Variants in KANTR observed in about 807,000 individuals in gnomAD.
KANTR encodes KANTR integral membrane protein.
chrX:53,114,038 A>G (rs924625052), intron 2 of KANTR, among the ~76,000 whole-genome samples: 24 of 110,501 alleles, frequency 2.2e-4, no homozygotes, highest in African/African-American at 7.9e-4. Context: ...AACTGGGACC[A>G]CAGACATGTG....
At chrX:53,095,344 G>A (rs1184556033) in intron 1 of KANTR, among the ~76,000 whole-genome samples, 2 of 111,198 alleles carry the variant, frequency 1.8e-5, no homozygotes, top group Non-Finnish European at 3.8e-5. Flanking sequence ...CTCACCTTCA[G>A]TTATCAGCAA....
intron 2 of KANTR, among the ~76,000 whole-genome samples, chrX:53,135,769 C>A (rs1358730478): frequency 4.5e-5 from 5 of 111,712 alleles, no homozygotes; most frequent in Non-Finnish European, 9.4e-5. Context: ...TGCAGAAGTC[C>A]CAGCCAACTT....
In KANTR at chrX:53,107,788, G is replaced by C. The variant is rs1327988952; in HGVS notation, c.-805+8180G>C. Among the ~76,000 whole-genome samples the C allele has an allele frequency of 6.4e-5, 7 of 110,082 alleles. No homozygotes were observed. The Admixed American group carries it at 6.8e-4, about 11-fold the overall frequency. The stretch of plus-strand genomic sequence containing the variant: ...GTTTGTTTTCTAGAGACAAGGTCTT[G>C]CTCTGTTGCTCAAACTAGAGTGCAA... On this transcript the variant is annotated intron_variant, in intron 2 of 2. Transcript: ENST00000604062.
downstream of KANTR, among the ~76,000 whole-genome samples, chrX:53,146,931 AC>A (rs1395001107): frequency 8.9e-5 from 10 of 111,918 alleles, no homozygotes; most frequent in Non-Finnish European, 1.9e-4. Flanking sequence ...AGATTTTGTC[AC>A]CACCAAGCCT....
At chrX:53,097,784 C>T (rs1452510301) in intron 1 of KANTR, among the ~76,000 whole-genome samples, 1 of 108,343 alleles carries the variant, frequency 9.2e-6, no homozygotes, top group Non-Finnish European at 1.9e-5. Flanking sequence ...GGCGCAGTGG[C>T]TCACGCCTGT....
At chrX:53,133,599 T>A (rs1272601100) in intron 2 of KANTR, among the ~76,000 whole-genome samples, 1 of 111,433 alleles carries the variant, frequency 9.0e-6, no homozygotes, top group Admixed American at 9.5e-5. Flanking sequence ...CTGCACACCC[T>A]CTCACCAGCA....
chrX:53,144,759 G>C (rs1486637926), downstream of KANTR, among the ~76,000 whole-genome samples: 1 of 111,810 alleles, frequency 8.9e-6, no homozygotes, highest in Non-Finnish European at 1.9e-5. Context: ...CTACACCTGG[G>C]TGTTTTTTAA....
intron 2 of KANTR, among the ~76,000 whole-genome samples, chrX:53,137,444 C>G (rs781998316): frequency 2.7e-5 from 3 of 112,061 alleles, no homozygotes; most frequent in African/African-American, 9.7e-5. Flanking sequence ...TTTTTCTGGT[C>G]AGGCTCAGTG....
chrX:53,143,933 G>A (rs1556818892), downstream of KANTR: 1 of 334,684 alleles, frequency 3.0e-6, no homozygotes, highest in Non-Finnish European at 5.6e-6. Context: ...TGGAAGAGCA[G>A]GGCGGTGGAG....
At chrX:53,145,775 C>T (rs782237241), downstream of KANTR, among the ~76,000 whole-genome samples, 8 of 112,050 alleles carry the variant, frequency 7.1e-5, no homozygotes, top group South Asian at 7.5e-4. Context: ...ACACCTCACA[C>T]GGCCGGGTAC....
At chrX:53,141,900 TG>T in exon 3 of KANTR, 1 of 507,684 alleles carries the variant, frequency 2.0e-6, no homozygotes, top group Non-Finnish European at 2.6e-6. Flanking sequence ...CACGGTGTTC[TG>T]GCAGGAAAAC....
Position 53,142,375 on chromosome X carries a change from G to A in KANTR, n.731G>A, listed in dbSNP as rs782500282. The A allele has an allele frequency of 2.9e-5, 4 of 139,875 alleles. No homozygotes were observed. The Admixed American group carries it at 3.3e-4, about 11-fold the overall frequency. The allele number at this position is 139,875 out of a possible 1,213,427, so 11.5% of individuals were successfully genotyped here. On this transcript the variant is annotated non_coding_transcript_exon_variant, in exon 3 of 3. Transcript: ENST00000366185. ...CTGTTGCCCAGGCTGGAGTGCAGTG[G>A]TGCAATCTCGGCTCACCACAACCTC...
At chrX:53,130,651 A>G (rs782577163), downstream of KANTR, among the ~76,000 whole-genome samples, 1 of 112,513 alleles carries the variant, frequency 8.9e-6, no homozygotes, top group East Asian at 2.8e-4. Flanking sequence ...AATACATGGC[A>G]TGTAGTAAGC....
intron 2 of KANTR, among the ~76,000 whole-genome samples, chrX:53,118,739 C>T (rs1556815049): frequency 1.0e-5 from 1 of 99,371 alleles, no homozygotes; most frequent in Non-Finnish European, 2.0e-5. Context: ...TGAGCCTAGG[C>T]GGCAGAACTA....
intron 2 of KANTR, among the ~76,000 whole-genome samples, chrX:53,133,886 T>C (rs1173991353): frequency 6.3e-5 from 7 of 111,567 alleles, no homozygotes; most frequent in Non-Finnish European, 1.3e-4. Flanking sequence ...GCAGCTCTTG[T>C]AAACTCTTAG....
At chrX:53,126,640 A>G (rs1362410772) in exon 3 of KANTR, 4 of 112,058 alleles carry the variant, frequency 3.6e-5, no homozygotes, top group East Asian at 2.8e-4. Context: ...AACATTTTAT[A>G]TAATTTTTGT....
intron 2 of KANTR, among the ~76,000 whole-genome samples, chrX:53,102,373 C>T (rs1934934711): frequency 8.9e-6 from 1 of 112,285 alleles, no homozygotes; most frequent in African/African-American, 3.2e-5. Flanking sequence ...CAATATGGAA[C>T]AGTTCTTGAG....
At chrX:53,131,060 T>G (rs782064520), downstream of KANTR, among the ~76,000 whole-genome samples, 2 of 111,624 alleles carry the variant, frequency 1.8e-5, no homozygotes, top group Admixed American at 1.9e-4. Context: ...AAGATGGCTC[T>G]TCAGGTTGGG....
intron 2 of KANTR, among the ~76,000 whole-genome samples, chrX:53,138,808 T>C (rs1933460870): frequency 9.0e-6 from 1 of 110,996 alleles, no homozygotes; most frequent in Non-Finnish European, 1.9e-5. Context: ...TAAAAACCTA[T>C]TGTATAACAA....
Sources: allele counts gnomAD v4.1 joint callset (sites outside exome capture counted in the v4.1 genomes callset), GRCh38; gene constraint gnomAD v4.1.1; transcripts MANE v1.5; gene names NCBI Gene and HGNC (gene_info 2026-07-23, HGNC 2026-07-21).